The following SEC24D variants were observed in gnomAD, a reference collection of about 807,000 sequenced individuals.
The protein encoded by SEC24D is protein transport protein Sec24D.
A neutral mutation model predicts 116.9 loss-of-function variants in SEC24D; 69 were observed. That is an observed-to-expected ratio of 0.59 (90% CI 0.49 to 0.72). The LOEUF (loss-of-function observed/expected upper bound fraction) is 0.72. Among genes scored for constraint, SEC24D ranks in the 30% least tolerant of loss-of-function variants. SEC24D has a pLI of 0.00. For missense variants in SEC24D, 1,131 were observed against 1,264.1 expected, an observed-to-expected ratio of 0.89 and a Z score of 1.60; for synonymous variants, 405 against 442.8, an observed-to-expected ratio of 0.91 and a Z score of 1.07.
intron 15 of SEC24D, among the ~76,000 whole-genome samples, chr4:118,742,860 G>A (rs904069679): frequency 4.6e-5 from 7 of 152,162 alleles, no homozygotes; most frequent in Admixed American, 1.3e-4. Flanking sequence ...GAACTGGGTG[G>A]GCACAGCCCA....
At chr4:118,817,553 A>G in intron 3 of SEC24D, 141 bp from the exon 4 acceptor site, 1 of 584,890 alleles carries the variant, frequency 1.7e-6, no homozygotes, top group Non-Finnish European at 2.8e-6. Flanking sequence ...CTAAATCTTT[A>G]ATTAAGCTTG....
At chr4:118,744,218 A>T (rs1327521750) in intron 14 of SEC24D, 60 bp from the exon 15 acceptor site, 1 of 1,387,338 alleles carries the variant, frequency 7.2e-7, no homozygotes, top group Non-Finnish European at 9.6e-7. Context: ...TTTGGTTTAA[A>T]TTTTAAATTT....
At chr4:118,822,076 G>A (rs375123601) in intron 3 of SEC24D, among the ~76,000 whole-genome samples, 2 of 152,166 alleles carry the variant, frequency 1.3e-5, no homozygotes, top group Non-Finnish European at 2.9e-5. Context: ...GGACAGACAA[G>A]CTATAAACAG....
intron 7 of SEC24D, among the ~76,000 whole-genome samples, chr4:118,804,244 G>A (rs76619026): frequency 1.3e-5 from 2 of 152,290 alleles, no homozygotes; most frequent in East Asian, 3.9e-4. Context: ...CCAAGTACAT[G>A]TGTCCGATAA....
chr4:118,732,206 C>T (rs1273146191), intron 20 of SEC24D, among the ~76,000 whole-genome samples: 2 of 152,118 alleles, frequency 1.3e-5, no homozygotes, highest in African/African-American at 4.8e-5. Flanking sequence ...ACTATCTCGG[C>T]TCACTGCAAC....
At chr4:118,823,721 T>C (rs973249426) in intron 3 of SEC24D, among the ~76,000 whole-genome samples, 5 of 152,206 alleles carry the variant, frequency 3.3e-5, no homozygotes, top group Non-Finnish European at 5.9e-5. Flanking sequence ...GCTCTAAATA[T>C]TTCATACATC....
intron 8 of SEC24D, among the ~76,000 whole-genome samples, chr4:118,784,422 CTT>C (rs1395588102): frequency 6.6e-6 from 1 of 152,006 alleles, no homozygotes; most frequent in Non-Finnish European, 1.5e-5. Context: ...TTTTTCAAAA[CTT>C]TTCAAACTAT....
intron 16 of SEC24D, 37 bp from the exon 17 acceptor site, chr4:118,740,845 T>C: frequency 1.2e-6 from 2 of 1,611,406 alleles, no homozygotes; most frequent in Non-Finnish European, 1.7e-6. Flanking sequence ...TTGCTTGTCT[T>C]TATTCTACTG....
Position 118,745,006 on chromosome 4 carries a change from C to T in SEC24D, c.1762G>A (p.Glu588Lys), listed in dbSNP as rs1048744046. ...CTGTTTTTGAGCTTCCCTGGTGCTT[C>T]AGCAGTTGGCAAGGAAGAATGGAAG... is the stretch of plus-strand genomic sequence containing the variant. ...FIFHSSLPTA[E>K]APGKLKNRDD... is the part of the protein sequence containing the mutation. Residue 588 changes from glutamate (E) to lysine (K), a missense_variant, in exon 14 of 23, where the codon GAA becomes AAA. Coordinates refer to ENST00000280551, the MANE Select transcript of SEC24D (RefSeq NM_014822.4). The T allele has an allele frequency of 6.2e-6, 10 of 1,611,064 alleles. No individual in the cohort carries two copies. In the South Asian group the frequency reaches 6.6e-5, roughly 11 times the overall value.
At chr4:118,737,696 C>A (rs1726033469) in intron 19 of SEC24D, among the ~76,000 whole-genome samples, 2 of 152,106 alleles carry the variant, frequency 1.3e-5, no homozygotes, top group Admixed American at 1.3e-4. Context: ...TTCTGCTTTT[C>A]CTTTTATAGG....
intron 8 of SEC24D, among the ~76,000 whole-genome samples, chr4:118,787,083 A>ATAG (rs1302218200): frequency 2.0e-5 from 3 of 152,222 alleles, no homozygotes; most frequent in African/African-American, 7.2e-5. Flanking sequence ...ACACTGTTCT[A>ATAG]AAAAGGGATA....
chr4:118,728,941 C>CCAT (rs1399947050), intron 21 of SEC24D: 7 of 250,676 alleles, frequency 2.8e-5, no homozygotes, highest in Non-Finnish European at 5.3e-5. Flanking sequence ...CCCTCTGTAT[C>CCAT]CATGGGTTCT....
chr4:118,744,924 C>A lies in SEC24D; in HGVS notation c.1824+20G>T. The A allele has an allele frequency of 7.6e-7, 1 of 1,322,942 alleles. No homozygotes were observed. The highest frequency in any genetic ancestry group is 2.3e-5 in the East Asian group (1 of 43,444). The allele number at this position is 1,322,942 out of a possible 1,614,324, so 82.0% of individuals were successfully genotyped here. ...CCTCTTAATAATTGACATATGGATA[C>A]TCAAAGAGTTACAAAGTACCTTCTC... On this transcript the variant is annotated intron_variant, in intron 14 of 22. Coordinates refer to ENST00000280551, the MANE Select transcript of SEC24D (RefSeq NM_014822.4).
At chr4:118,728,696 A>G (rs1255206401) in intron 21 of SEC24D, 46 bp from the exon 22 acceptor site, 1 of 1,100,616 alleles carries the variant, frequency 9.1e-7, no homozygotes, top group East Asian at 2.4e-5. Flanking sequence ...TATAACATTT[A>G]GATAGAAGTA....
intron 3 of SEC24D, among the ~76,000 whole-genome samples, chr4:118,821,314 T>C (rs1730391802): frequency 6.6e-6 from 1 of 152,248 alleles, no homozygotes; most frequent in Non-Finnish European, 1.5e-5. Context: ...AATTCACTGT[T>C]TCTTCATCAG....
At chr4:118,827,648 G>C (rs1319702346) in intron 2 of SEC24D, among the ~76,000 whole-genome samples, 1 of 152,204 alleles carries the variant, frequency 6.6e-6, no homozygotes, top group Non-Finnish European at 1.5e-5. Context: ...ACCTCTGGGA[G>C]ACTCTGGCCA....
chr4:118,828,548 C>A (rs944713369), intron 2 of SEC24D, among the ~76,000 whole-genome samples: 7 of 152,176 alleles, frequency 4.6e-5, no homozygotes, highest in Non-Finnish European at 7.3e-5. Context: ...GGAGGTACTA[C>A]TGGCATCCAG....
At chr4:118,740,528 T>G in intron 17 of SEC24D, 135 bp downstream of exon 17, 1 of 921,334 alleles carries the variant, frequency 1.1e-6, no homozygotes. Context: ...TCTAATCTAC[T>G]GACTTTTGAC....
intron 15 of SEC24D, among the ~76,000 whole-genome samples, chr4:118,742,373 T>TGC (rs1553923028): frequency 6.7e-6 from 1 of 149,092 alleles, no homozygotes; most frequent in Non-Finnish European, 1.5e-5. Context: ...TTTGGAAAAG[T>TGC]GGGGGGGGGA....
Sources: allele counts gnomAD v4.1 joint callset (sites outside exome capture counted in the v4.1 genomes callset), GRCh38; gene constraint gnomAD v4.1.1; transcripts MANE v1.5; gene names NCBI Gene and HGNC (gene_info 2026-07-23, HGNC 2026-07-21).